The following XYLT1 variants were observed in gnomAD, a reference collection of about 807,000 sequenced individuals.
XYLT1 encodes the protein beta-D-xylosyltransferase 1.
In XYLT1, 36 loss-of-function variants were observed where a neutral mutation model predicts 91.3. The ratio of observed to expected loss-of-function variants is 0.39; its 90% CI spans 0.30 to 0.52. The LOEUF is 0.52. Ranked by LOEUF, XYLT1 falls within the 20% of genes least tolerant of loss-of-function variation. The pLI, the probability that XYLT1 is intolerant of heterozygous loss-of-function variation, is 0.68. For synonymous variants in XYLT1, 588 were observed against 532.0 expected, an observed-to-expected ratio of 1.11 and a Z score of -1.45; for missense variants, 1,242 against 1,284.5, an observed-to-expected ratio of 0.97 and a Z score of 0.51.
chr16:17,123,749 CTG>C (rs1312763030), intron 10 of XYLT1, among the ~76,000 whole-genome samples: 1 of 152,106 alleles, frequency 6.6e-6, no homozygotes, highest in Non-Finnish European at 1.5e-5. Flanking sequence ...TCTTGATGAA[CTG>C]TGCCAATATT....
intron 1 of XYLT1, among the ~76,000 whole-genome samples, chr16:17,362,038 G>T (rs113382152): frequency 1.3e-5 from 2 of 152,162 alleles, no homozygotes; most frequent in Non-Finnish European, 2.9e-5. Flanking sequence ...TAACCTGTCC[G>T]AGTCACACAG....
intron 1 of XYLT1, among the ~76,000 whole-genome samples, chr16:17,465,815 A>T (rs2036889381): frequency 6.6e-6 from 1 of 152,196 alleles, no homozygotes; most frequent in Admixed American, 6.5e-5. Flanking sequence ...CTCATTTTTG[A>T]ACACTGATTA....
At chr16:17,118,887 T>C (rs930173027) in intron 10 of XYLT1, among the ~76,000 whole-genome samples, 3 of 152,104 alleles carry the variant, frequency 2.0e-5, no homozygotes, top group Non-Finnish European at 4.4e-5. Flanking sequence ...TCCTGCACCA[T>C]CTGCCCTGTG....
At chr16:17,181,341 T>C (rs779363912) in intron 5 of XYLT1, among the ~76,000 whole-genome samples, 1 of 152,044 alleles carries the variant, frequency 6.6e-6, no homozygotes, top group Non-Finnish European at 1.5e-5. Flanking sequence ...GTACAAGGAA[T>C]AGAGACATAA....
intron 3 of XYLT1, among the ~76,000 whole-genome samples, chr16:17,201,132 TTAA>T (rs1331000526): frequency 6.6e-6 from 1 of 152,248 alleles, no homozygotes; most frequent in Non-Finnish European, 1.5e-5. Flanking sequence ...ATCTCCCCTC[TTAA>T]TAAATGTTTA....
At chr16:17,110,461 G>A (rs953836115) in intron 11 of XYLT1, among the ~76,000 whole-genome samples, 1 of 152,138 alleles carries the variant, frequency 6.6e-6, no homozygotes, top group Non-Finnish European at 1.5e-5. Context: ...GAGTGTCCTT[G>A]CACAGGCGCT....
At chr16:17,386,737 A>T (rs938950051) in intron 1 of XYLT1, among the ~76,000 whole-genome samples, 133 of 152,334 alleles carry the variant, frequency 8.7e-4, no homozygotes, top group African/African-American at 3.0e-3. Flanking sequence ...CCCTATTATA[A>T]GAGCACTGAT....
chr16:17,354,880 T>G (rs1378856512), intron 2 of XYLT1: 1 of 152,194 alleles, frequency 6.6e-6, no homozygotes, highest in African/African-American at 2.4e-5. Flanking sequence ...CAGCACAAAG[T>G]CAGATCTGGC....
chr16:17,202,868 C>T (rs760984979), intron 3 of XYLT1, among the ~76,000 whole-genome samples: 20 of 152,028 alleles, frequency 1.3e-4, no homozygotes, highest in South Asian at 4.2e-4. Flanking sequence ...ATCTGGTTCT[C>T]GGTGAAACAA....
chr16:17,173,885 A>G lies in XYLT1; in HGVS notation c.1290-14976T>C, dbSNP rs533984853. 5.9e-5 allele frequency among the ~76,000 whole-genome samples: 9 copies of G among 152,360 alleles called. 1 individual carries two copies. The South Asian group carries it at 1.9e-3, about 32-fold the overall frequency. Reference sequence around the variant, plus strand: ...AGTTGAGCAAAGATTTGATGAGATCATGGGTGTGGAAGACTCAATCCAGTG... The same window carrying G: ...AGTTGAGCAAAGATTTGATGAGATCGTGGGTGTGGAAGACTCAATCCAGTG... On this transcript the variant is annotated intron_variant, in intron 5 of 11. Coordinates refer to ENST00000261381, the MANE Select transcript of XYLT1 (RefSeq NM_022166.4).
chr16:17,150,797 T>C (rs183835203), intron 6 of XYLT1, among the ~76,000 whole-genome samples: 1 of 152,012 alleles, frequency 6.6e-6, no homozygotes, highest in Non-Finnish European at 1.5e-5. Context: ...GGGGTAATGA[T>C]AGAAAATAAA....
chr16:17,164,293 A>ATT (rs35498609), intron 5 of XYLT1, among the ~76,000 whole-genome samples: 1 of 101,320 alleles, frequency 9.9e-6, no homozygotes, highest in South Asian at 2.9e-4. Context: ...GATGTCACAA[A>ATT]TTTTTTTTTT....
At chr16:17,250,535 T>A (rs999026207) in intron 3 of XYLT1, 3 of 152,236 alleles carry the variant, frequency 2.0e-5, no homozygotes, top group African/African-American at 7.2e-5. Flanking sequence ...ATATTTATGA[T>A]CTGGCCCTTT....
At chr16:17,170,965 G>A (rs1272588617) in intron 5 of XYLT1, among the ~76,000 whole-genome samples, 1 of 152,122 alleles carries the variant, frequency 6.6e-6, no homozygotes, top group Non-Finnish European at 1.5e-5. Flanking sequence ...TTTTAAAATT[G>A]AGGATAATAA....
intron 3 of XYLT1, among the ~76,000 whole-genome samples, chr16:17,234,396 G>A (rs906457439): frequency 1.8e-4 from 27 of 152,074 alleles, no homozygotes; most frequent in Admixed American, 1.5e-3. Context: ...TTCCGATGAG[G>A]CTCTGATCAA....
intron 2 of XYLT1, among the ~76,000 whole-genome samples, chr16:17,275,993 T>C (rs1349855396): frequency 6.6e-6 from 1 of 152,000 alleles, no homozygotes; most frequent in East Asian, 1.9e-4. Flanking sequence ...TAAATATAGA[T>C]GCACATACAC....
intron 11 of XYLT1, among the ~76,000 whole-genome samples, chr16:17,111,327 G>T (rs1966840396): frequency 6.6e-6 from 1 of 152,202 alleles, no homozygotes; most frequent in Non-Finnish European, 1.5e-5. Flanking sequence ...ATTTCTAATA[G>T]ATGCTATTTC....
chr16:17,449,452 C>A (rs1181155019), intron 1 of XYLT1, among the ~76,000 whole-genome samples: 2 of 152,208 alleles, frequency 1.3e-5, no homozygotes, highest in Non-Finnish European at 2.9e-5. Flanking sequence ...GAAGAGGGCG[C>A]CTCCCCTGTC....
rs773772568 is a variant in XYLT1 at position 17,200,582 on chromosome 16, G to C, written c.986C>G (p.Ala329Gly). 6.2e-7 allele frequency: 1 copy of C among 1,614,234 alleles called. No homozygotes were observed. ...ACGGCCGTGGACCACCAGGACAAAG[G>C]CGATTCTGACCGGGTTGGCTGGCAT... ...EYMPANPVRIAFVLVVHGRAS... is the reference protein window; with the variant it reads ...EYMPANPVRIGFVLVVHGRAS... Residue 329 changes from alanine to glycine, a missense_variant, in exon 4 of 12, where the codon GCC becomes GGC. Around this residue, in one of 3 missense-constraint regions of XYLT1, gnomAD observed 294 missense variants for 376.0 expected, o/e 0.78. Transcript: ENST00000261381.
Sources: gnomAD v4.1 joint callset for allele counts (sites outside exome capture counted in the v4.1 genomes callset) on GRCh38, gnomAD v4.1.1 for gene constraint, gnomAD v4.1.1 regional missense constraint, MANE v1.5 for transcripts, NCBI Gene and HGNC (gene_info 2026-07-23, HGNC 2026-07-21) for gene names.